MAVS: variants seen among roughly 807,000 people sequenced by gnomAD.
MAVS encodes mitochondrial antiviral-signaling protein.
Under a neutral mutation model 30.2 loss-of-function variants are expected in MAVS, and 20 were observed. That is an observed-to-expected ratio of 0.66 (90% CI 0.47 to 0.96). The LOEUF (loss-of-function observed/expected upper bound fraction) is 0.96, where lower values mean the gene tolerates loss of function less well. Among genes scored for constraint, MAVS ranks in the 40% least tolerant of loss-of-function variants. MAVS has a pLI of 0.00. For missense variants in MAVS, 624 were observed against 701.1 expected, an observed-to-expected ratio of 0.89 and a Z score of 1.24; for synonymous variants, 278 against 293.9, an observed-to-expected ratio of 0.95 and a Z score of 0.55.
chr20:3,859,053 G>A (rs1466480820), intron 3 of MAVS, among the ~76,000 whole-genome samples: 28 of 152,070 alleles, frequency 1.8e-4, no homozygotes, highest in Non-Finnish European at 1.5e-5. Flanking sequence ...GCCTCCCAGA[G>A]TGCTGGGATC....
intron 2 of MAVS, among the ~76,000 whole-genome samples, chr20:3,855,926 A>C (rs1486543209): frequency 3.4e-5 from 5 of 145,702 alleles, no homozygotes; most frequent in African/African-American, 1.0e-4. Flanking sequence ...TTACAGGCGC[A>C]TGCCACCACA....
chr20:3,851,964 GA>G (rs1189467458), intron 1 of MAVS, among the ~76,000 whole-genome samples: 3 of 139,982 alleles, frequency 2.1e-5, no homozygotes, highest in African/African-American at 8.3e-5. Context: ...TCTCAAAAAA[GA>G]AAAAAAGAAT....
chr20:3,850,335 G>A (rs573565319), intron 1 of MAVS, among the ~76,000 whole-genome samples: 3 of 147,442 alleles, frequency 2.0e-5, no homozygotes, highest in African/African-American at 5.0e-5. Flanking sequence ...GGTGGCTCAC[G>A]CCTGTAAATC....
Position 3,869,068 on chromosome 20 carries a change from C to G in MAVS, c.*2921C>G, listed in dbSNP as rs2089932869. The G allele has an allele frequency of 6.6e-6, 1 of 152,138 alleles. No homozygotes were observed. The highest frequency in any genetic ancestry group is 2.1e-4 in the South Asian group (1 of 4,820). The allele number at this position is 152,138 out of a possible 1,614,324, so 9.4% of individuals were successfully genotyped here. On this transcript the variant is annotated 3_prime_UTR_variant, in exon 7 of 7. Transcript: ENST00000428216. ...CTGGAGCGAAGTGGTGCAATCATAA[C>G]TCACTGTATCCTTAAACTCCCGGGC...
intron 3 of MAVS, among the ~76,000 whole-genome samples, chr20:3,860,695 G>A (rs1382698745): frequency 1.3e-5 from 2 of 149,106 alleles, no homozygotes; most frequent in South Asian, 2.1e-4. Context: ...TTTTTCCCCC[G>A]AGACGGAGTC....
rs375928770 is a variant in MAVS, at chr20:3,866,509, G to A, written c.*362G>A. The A allele has an allele frequency of 2.2e-3, 804 of 366,594 alleles. 5 individuals are homozygous for A. The highest frequency in any genetic ancestry group is 2.8e-3 in the Non-Finnish European group (543 of 196,372). 22.7% of individuals were successfully genotyped at this position (366,594 alleles called of 1,614,324 possible). A position where few individuals can be genotyped will look rare whatever the true frequency, so the allele number is the denominator to read the frequency against. On this transcript the variant is annotated 3_prime_UTR_variant, in exon 7 of 7. Coordinates refer to ENST00000428216, the MANE Select transcript of MAVS (RefSeq NM_020746.5). The stretch of plus-strand genomic sequence containing the variant: ...GGAGCAGGAGGGACCACTGGAACAT[G>A]TGGTGCTTGGGAATGCCTCTCCTGT...
intron 1 of MAVS, among the ~76,000 whole-genome samples, chr20:3,853,472 A>T (rs1296530074): frequency 6.1e-5 from 9 of 147,422 alleles, no homozygotes; most frequent in Non-Finnish European, 1.0e-4. Flanking sequence ...GGCGACAGAG[A>T]AAGACTCCGT....
intron 1 of MAVS, 80 bp from the exon 2 acceptor site, chr20:3,854,478 G>T: frequency 2.3e-6 from 1 of 430,496 alleles, no homozygotes; most frequent in Non-Finnish European, 4.1e-6. Context: ...ATTCCAAAAA[G>T]TTGAGAAAGA....
At chr20:3,857,385 C>A (rs1011093758) in intron 2 of MAVS, among the ~76,000 whole-genome samples, 1 of 152,218 alleles carries the variant, frequency 6.6e-6, no homozygotes, top group African/African-American at 2.4e-5. Context: ...ATGATACATG[C>A]AAAGCCCTTA....
intron 2 of MAVS, among the ~76,000 whole-genome samples, chr20:3,855,882 G>C (rs1300181445): frequency 6.6e-5 from 10 of 150,646 alleles, no homozygotes; most frequent in Non-Finnish European, 1.2e-4. Flanking sequence ...GGGTTCAAGT[G>C]ATTCTCGCGC....
chr20:3,862,555 A>G (rs2089874941), intron 5 of MAVS, 142 bp downstream of exon 5: 12 of 868,274 alleles, frequency 1.4e-5, no homozygotes, highest in Non-Finnish European at 2.0e-5. Flanking sequence ...CCAGTTCCTT[A>G]GTGGGTGTAT....
chr20:3,865,111 TAAG>T lies in MAVS; in HGVS notation c.1158+324_1158+326del, dbSNP rs1289161678. 1.3e-5 allele frequency among the ~76,000 whole-genome samples: 2 copies of T among 152,146 alleles called. No homozygotes were observed. The highest frequency in any genetic ancestry group is 2.9e-5 in the Non-Finnish European group (2 of 68,028). On this transcript the variant is annotated intron_variant, in intron 6 of 6. Transcript: ENST00000428216. The surrounding 1 kb of genome is among the most constrained non-coding windows in gnomAD (Gnocchi z 4.7). ...AAGCCGAGCGGTGCCGTTTTGCACA[TAAG>T]GAAGCAGTGACGGGGACAGCACAGT...
Position 3,860,039 on chromosome 20 carries a change from G to A in MAVS, c.293-1293G>A, listed in dbSNP as rs552000860. ...TCACCGTGTTAGCCAGGATGGTCTC[G>A]ATCTCCTGACCTCGTGATCCACCCG... On this transcript the variant is annotated intron_variant, in intron 3 of 6. Coordinates refer to ENST00000428216, the MANE Select transcript of MAVS (RefSeq NM_020746.5). 1.8e-3 allele frequency among the ~76,000 whole-genome samples: 269 copies of A among 152,130 alleles called. 2 individuals are homozygous for A. Among genetic ancestry groups the A allele is most frequent in the African/African-American group, 5.8e-3 (241 of 41,508 alleles).
chr20:3,857,058 CA>C (rs1266188415), intron 2 of MAVS, among the ~76,000 whole-genome samples: 2,320 of 145,298 alleles, frequency 0.016, 55 homozygotes, highest in African/African-American at 0.055. Flanking sequence ...AAAAAAGAAA[CA>C]AAAAAACTCT....
At position 3,866,354 on chromosome 20, in the gene MAVS, C is replaced by A; in HGVS notation, c.*207C>A. The A allele has an allele frequency of 1.7e-6, 1 of 584,188 alleles. No homozygotes were observed. The highest frequency in any genetic ancestry group is 3.0e-6 in the Non-Finnish European group (1 of 336,526). The allele number at this position is 584,188 out of a possible 1,614,324, so 36.2% of individuals were successfully genotyped here. ...TGTCCCCACGGTGCCTTGTGTGGGT[C>A]CCCGTCCTTGGCTTTCTGGGTCCTG... On this transcript the variant is annotated 3_prime_UTR_variant, in exon 7 of 7. Coordinates refer to ENST00000428216, the MANE Select transcript of MAVS (RefSeq NM_020746.5).
rs2089966838 is a variant in MAVS, at chr20:3,873,024, G to A, written c.*6877G>A. ...GACAAGTGTTTATCTGATCAGTTATGTACTGTTTATAATAAGTAAATCAGC... is the reference window on the plus strand; with the variant it reads ...GACAAGTGTTTATCTGATCAGTTATATACTGTTTATAATAAGTAAATCAGC... On this transcript the variant is annotated 3_prime_UTR_variant, in exon 7 of 7. Transcript: ENST00000428216. 1 of 152,250 alleles carries A rather than the reference G, an allele frequency of 6.6e-6. No homozygotes were observed. Among genetic ancestry groups the A allele is most frequent in the Non-Finnish European group, 1.5e-5 (1 of 68,036 alleles). The allele number at this position is 152,250 out of a possible 1,614,324, so 9.4% of individuals were successfully genotyped here.
chr20:3,865,712 C>T lies in MAVS; in HGVS notation c.1188C>T (p.Gly396=), dbSNP rs139145407. Residue 396 remains glycine (G), a synonymous_variant, in exon 7 of 7, where the codon GGC becomes GGT. Transcript: ENST00000428216. The surrounding 1 kb of genome is among the most constrained non-coding windows in gnomAD (Gnocchi z 4.7). Reference sequence around the variant, plus strand: ...CCCCAGCAGCTCCAACACCCGCCGGCGCCACTGGAGGCAGCTCAGCCTGGC... The same window carrying T: ...CCCCAGCAGCTCCAACACCCGCCGGTGCCACTGGAGGCAGCTCAGCCTGGC... The part of the protein sequence containing the change: ...EETPAAPTPA[G]ATGGSSAWLD... 3.8e-5 allele frequency: 61 copies of T among 1,610,594 alleles called. No individual in the cohort carries two copies. Among genetic ancestry groups the T allele is most frequent in the Non-Finnish European group, 4.8e-5 (57 of 1,178,144 alleles).
In MAVS at chr20:3,868,094, T is replaced by C. The variant is rs1043969249; in HGVS notation, c.*1947T>C. The C allele has an allele frequency of 6.6e-6, 1 of 152,406 alleles. No homozygotes were observed. Among genetic ancestry groups the C allele is most frequent in the Non-Finnish European group, 1.5e-5 (1 of 68,134 alleles). The allele number at this position is 152,406 out of a possible 1,614,324, so 9.4% of individuals were successfully genotyped here. On this transcript the variant is annotated 3_prime_UTR_variant, in exon 7 of 7. Coordinates refer to ENST00000428216, the MANE Select transcript of MAVS (RefSeq NM_020746.5). ...GGGAGTTCAGCAACCTAATGATCTC[T>C]ATCTCTGAACATCTCTTCATCCCAT...
intron 3 of MAVS, among the ~76,000 whole-genome samples, chr20:3,858,756 T>A (rs889392032): frequency 2.0e-5 from 3 of 151,596 alleles, no homozygotes; most frequent in Non-Finnish European, 4.4e-5. Flanking sequence ...CTGGTCACAT[T>A]TATAGCTGTG....
Sources: allele counts gnomAD v4.1 joint callset (sites outside exome capture counted in the v4.1 genomes callset), GRCh38; gene constraint gnomAD v4.1.1; non-coding constraint Gnocchi (gnomAD v3.1); transcripts MANE v1.5; gene names NCBI Gene and HGNC (gene_info 2026-07-23, HGNC 2026-07-21).